Variants in LRIF1 observed in about 807,000 individuals in gnomAD.
The protein encoded by LRIF1 is ligand-dependent nuclear receptor-interacting factor 1.
LRIF1 carries 32 observed loss-of-function variants against 52.7 expected under a neutral mutation model. The observed-to-expected ratio is 0.61, with a 90% CI of 0.46 to 0.82. LRIF1 has a LOEUF of 0.82. LRIF1 is among the 40% of genes least tolerant of loss of function. LRIF1 has a pLI of 0.00. For synonymous variants in LRIF1, 323 were observed against 317.4 expected (o/e 1.02, Z -0.19); for missense variants, 887 against 892.0 (o/e 0.99, Z 0.07).
At chr1:110,887,490 A>G in the LRIF1 span, among the ~76,000 whole-genome samples, 1 of 152,180 alleles carries the variant, frequency 6.6e-6, no homozygotes, top group African/African-American at 2.4e-5. Flanking sequence ...TTTTGAGTGA[A>G]TCTATGTGTA....
intron 1 of LRIF1, among the ~76,000 whole-genome samples, chr1:110,962,097 A>C (rs1407511021): frequency 6.9e-4 from 60 of 86,456 alleles, no homozygotes; most frequent in South Asian, 2.7e-3. Context: ...CACACACACA[A>C]AGTAAAGTTG....
At chr1:110,878,415 T>C in the LRIF1 span, among the ~76,000 whole-genome samples, 2 of 152,180 alleles carry the variant, frequency 1.3e-5, no homozygotes, top group African/African-American at 4.8e-5. Context: ...TGTATGTAAA[T>C]TGACAATCTG....
At chr1:110,884,602 G>A in the LRIF1 span, among the ~76,000 whole-genome samples, 9 of 151,992 alleles carry the variant, frequency 5.9e-5, no homozygotes, top group Non-Finnish European at 1.2e-4. Context: ...TCTTCTTTCA[G>A]TTCTGTTCAT....
At chr1:110,918,393 A>G in the LRIF1 span, among the ~76,000 whole-genome samples, 5 of 152,210 alleles carry the variant, frequency 3.3e-5, no homozygotes, top group African/African-American at 1.2e-4. Flanking sequence ...TCAATCCATT[A>G]TTACTAATAG....
At position 110,949,864 on chromosome 1, in the gene LRIF1, C is replaced by T. The variant is rs1194245627; in HGVS notation, c.1856G>A (p.Gly619Glu). ...TGTATTACCTACCTGTTTTCTCTCT[C>T]CTTCCTTCACCATAAACTCTGTCTC... ...YKETEFMVKE[G>E]ERKQQNFDKK... is the part of the protein sequence containing the mutation. Residue 619 changes from glycine to glutamate, a missense_variant, in exon 3 of 4, where the codon GGA becomes GAA. By Grantham distance (98) the Gly-to-Glu change is moderately conservative. Transcript: ENST00000369763. The T allele has an allele frequency of 2.5e-6, 4 of 1,613,548 alleles. No individual in the cohort carries two copies. In the South Asian group the frequency reaches 4.4e-5, roughly 18 times the overall value.
intron 1 of LRIF1, among the ~76,000 whole-genome samples, chr1:110,956,954 T>C (rs1386005987): frequency 1.3e-5 from 2 of 152,164 alleles, no homozygotes; most frequent in Admixed American, 1.3e-4. Flanking sequence ...AATTTGTCTT[T>C]ATCTTCATTC....
chr1:110,896,915 A>G, the LRIF1 span, among the ~76,000 whole-genome samples: 8 of 152,244 alleles, frequency 5.3e-5, no homozygotes, highest in African/African-American at 1.9e-4. Context: ...AAACAAACTC[A>G]TTTAGACTAG....
At chr1:110,875,362 C>T in the LRIF1 span, among the ~76,000 whole-genome samples, 1 of 152,168 alleles carries the variant, frequency 6.6e-6, no homozygotes, top group East Asian at 1.9e-4. Context: ...CTATGCCCAC[C>T]ATGTTCACAC....
the LRIF1 span, among the ~76,000 whole-genome samples, chr1:110,875,484 T>A: frequency 6.6e-6 from 1 of 152,226 alleles, no homozygotes; most frequent in Non-Finnish European, 1.5e-5. Flanking sequence ...CTTGTGAGGT[T>A]ACAGCCATTG....
chr1:110,909,767 G>C, the LRIF1 span, among the ~76,000 whole-genome samples: 1 of 151,816 alleles, frequency 6.6e-6, no homozygotes, highest in Non-Finnish European at 1.5e-5. Flanking sequence ...TTTTAATAGT[G>C]ACGGGGTTTC....
rs748317365 is a variant in LRIF1, at chr1:110,963,653, G to A, written c.36C>T (p.Pro12=). The A allele has an allele frequency of 3.1e-6, 5 of 1,610,118 alleles. No individual in the cohort carries two copies. The highest frequency in any genetic ancestry group is 4.2e-6 in the Non-Finnish European group (5 of 1,176,916). ...AGGCGTTGCCTGAATTTTCCTCTGC[G>A]GGTTTCAGGAAGACCCTCCGTAGGT... is the stretch of plus-strand genomic sequence containing the variant. The part of the protein sequence containing the change: ...SNNLRRVFLK[P]AEENSGNASR... Residue 12 remains proline (P), a synonymous_variant, in exon 1 of 4, where the codon CCC becomes CCT. Coordinates refer to ENST00000369763, the MANE Select transcript of LRIF1 (RefSeq NM_018372.4).
the LRIF1 span, among the ~76,000 whole-genome samples, chr1:110,919,574 C>T: frequency 6.6e-6 from 1 of 152,168 alleles, no homozygotes; most frequent in Non-Finnish European, 1.5e-5. Flanking sequence ...CTAGGGAACC[C>T]TAACTAATAC....
the LRIF1 span, among the ~76,000 whole-genome samples, chr1:110,895,467 C>T: frequency 3.3e-5 from 5 of 152,172 alleles, no homozygotes; most frequent in Non-Finnish European, 7.3e-5. Flanking sequence ...GTGCTGTTTC[C>T]ACCCACAAAC....
the LRIF1 span, among the ~76,000 whole-genome samples, chr1:110,893,083 C>T: frequency 1.3e-5 from 2 of 152,182 alleles, no homozygotes; most frequent in African/African-American, 4.8e-5. Context: ...TGCATGTTCC[C>T]TATCAGGTAC....
chr1:110,952,184 G>A lies in LRIF1; in HGVS notation c.700C>T (p.Pro234Ser), dbSNP rs747934506. ...ACTACATTTTTCACTGTATTTACAG[G>A]AGATACATAAATAACGGTTGGCATT... ...SQMPTVIYVSPVNTVKNVVTK... is the reference protein window; with the variant it reads ...SQMPTVIYVSSVNTVKNVVTK... Residue 234 changes from proline (P) to serine (S), a missense_variant, in exon 2 of 4, where the codon CCT (proline) becomes TCT (serine). Pro to Ser is a moderately conservative substitution (Grantham distance 74, BLOSUM62 -1). Coordinates refer to ENST00000369763, the MANE Select transcript of LRIF1 (RefSeq NM_018372.4). The A allele has an allele frequency of 1.2e-6, 2 of 1,614,124 alleles. No homozygotes were observed. Among genetic ancestry groups the A allele is most frequent in the East Asian group, 2.2e-5 (1 of 44,884 alleles).
the LRIF1 span, among the ~76,000 whole-genome samples, chr1:110,889,441 C>G: frequency 1.3e-5 from 2 of 152,030 alleles, no homozygotes; most frequent in African/African-American, 4.8e-5. Context: ...CGCCTGTAAC[C>G]CAGCTACTCG....
the LRIF1 span, among the ~76,000 whole-genome samples, chr1:110,906,062 A>G: frequency 2.6e-5 from 4 of 152,178 alleles, no homozygotes; most frequent in African/African-American, 4.8e-5. Flanking sequence ...ACTAAATCAT[A>G]TCATCAGAGA....
At chr1:110,886,869 A>ATATATATATATATATATATATATATT in the LRIF1 span, among the ~76,000 whole-genome samples, 1 of 82,800 alleles carries the variant, frequency 1.2e-5, no homozygotes, top group African/African-American at 5.3e-5. Context: ...ATATATATAT[A>ATATATATATATATATATATATATATT]TTTTTTTTTT....
chr1:110,895,668 G>C, the LRIF1 span, among the ~76,000 whole-genome samples: 1 of 151,958 alleles, frequency 6.6e-6, no homozygotes, highest in Admixed American at 6.6e-5. Context: ...GGTAGCCCTG[G>C]GGAAGTCACT....
Sources: gnomAD v4.1 joint callset for allele counts (sites outside exome capture counted in the v4.1 genomes callset) on GRCh38, gnomAD v4.1.1 for gene constraint, MANE v1.5 for transcripts, NCBI Gene and HGNC (gene_info 2026-07-23, HGNC 2026-07-21) for gene names.